VPS50: variants seen among roughly 807,000 people sequenced by gnomAD.
VPS50 encodes the protein syndetin.
In VPS50, 70 loss-of-function variants were observed where a neutral mutation model predicts 139.7. The ratio of observed to expected loss-of-function variants is 0.50; its 90% CI spans 0.41 to 0.61. VPS50 has a LOEUF of 0.61. Ranked by LOEUF, VPS50 falls within the 20% of genes least tolerant of loss-of-function variation. The probability of loss-of-function intolerance (pLI) is 0.00; values close to 1 mark genes in which losing one functional copy is unlikely to be tolerated. For missense variants in VPS50, 921 were observed against 1,133.7 expected, an observed-to-expected ratio of 0.81 and a Z score of 2.69; for synonymous variants, 365 against 376.7, an observed-to-expected ratio of 0.97 and a Z score of 0.36.
At chr7:93,350,108 A>T in intron 25 of VPS50, 75 bp downstream of exon 25, 1 of 977,040 alleles carries the variant, frequency 1.0e-6, no homozygotes, top group Non-Finnish European at 1.5e-6. Context: ...AGTGGCTCTA[A>T]AATAGTAAGA....
intron 9 of VPS50, among the ~76,000 whole-genome samples, chr7:93,268,625 G>T (rs867842302): frequency 1.3e-5 from 2 of 152,070 alleles, no homozygotes; most frequent in Non-Finnish European, 2.9e-5. Context: ...ATGGCTTCCA[G>T]CTTCATCCAT....
At chr7:93,259,963 T>A (rs6966383) in intron 9 of VPS50, among the ~76,000 whole-genome samples, 2 of 152,214 alleles carry the variant, frequency 1.3e-5, no homozygotes, top group African/African-American at 4.8e-5. Context: ...GAATTCTTCC[T>A]TAACTTTGCC....
intron 1 of VPS50, among the ~76,000 whole-genome samples, chr7:93,239,607 G>T (rs1298095084): frequency 6.6e-6 from 1 of 152,044 alleles, no homozygotes; most frequent in African/African-American, 2.4e-5. Context: ...AATCATAGAT[G>T]GGTTGGACTT....
In VPS50 at chr7:93,360,832, A is replaced by G. The variant is rs748406832; in HGVS notation, c.*2396A>G. 2.0e-5 allele frequency: 3 copies of G among 152,058 alleles called. No individual in the cohort carries two copies. Among genetic ancestry groups the G allele is most frequent in the Non-Finnish European group, 4.4e-5 (3 of 67,988 alleles). The allele number at this position is 152,058 out of a possible 1,614,324, so 9.4% of individuals were successfully genotyped here. A position where few individuals can be genotyped will look rare whatever the true frequency, so the allele number is the denominator to read the frequency against. On this transcript the variant is annotated 3_prime_UTR_variant, in exon 28 of 28. Coordinates refer to ENST00000305866, the MANE Select transcript of VPS50 (RefSeq NM_017667.4). ...TGCTAGGGGGGCACATAGCAATTCA[A>G]ATGAACTAGTTTGCTTTGGTTTATA...
intron 12 of VPS50, among the ~76,000 whole-genome samples, chr7:93,281,123 A>G (rs1246234171): frequency 6.6e-6 from 1 of 152,158 alleles, no homozygotes; most frequent in Non-Finnish European, 1.5e-5. Flanking sequence ...AAGAAAACCA[A>G]CACTGAGCAC....
At chr7:93,279,744 A>G (rs1188828606) in intron 12 of VPS50, among the ~76,000 whole-genome samples, 1 of 152,218 alleles carries the variant, frequency 6.6e-6, no homozygotes, top group Non-Finnish European at 1.5e-5. Flanking sequence ...TCTGTACAGT[A>G]GCAATGTTTT....
chr7:93,308,868 C>G lies in VPS50; in HGVS notation c.1674C>G (p.Asp558Glu). Residue 558 changes from aspartate to glutamate, a missense_variant, in exon 19 of 28, where the codon GAC becomes GAG. Around this residue, in one of 3 missense-constraint regions of VPS50, gnomAD observed 744 missense variants for 930.6 expected, o/e 0.80. Transcript: ENST00000305866. ...AAAAGAGTGCCTATCAAGAGTATGA[C>G]AGTGACAGTGATGTTCCTGAGGAAC... ...EQEKSAYQEYDSDSDVPEELK... is the reference protein window; with the variant it reads ...EQEKSAYQEYESDSDVPEELK... 6.2e-7 allele frequency: 1 copy of G among 1,607,798 alleles called. No homozygotes were observed. Among genetic ancestry groups the G allele is most frequent in the Non-Finnish European group, 8.5e-7 (1 of 1,174,988 alleles).
intron 23 of VPS50, among the ~76,000 whole-genome samples, chr7:93,342,580 C>T (rs970028356): frequency 1.3e-5 from 2 of 152,208 alleles, no homozygotes; most frequent in East Asian, 3.8e-4. Flanking sequence ...ATGTCCCTGT[C>T]TGACAGCTTT....
intron 23 of VPS50, 142 bp downstream of exon 23, chr7:93,341,717 AAC>A: frequency 1.9e-6 from 1 of 521,900 alleles, no homozygotes; most frequent in Admixed American, 3.8e-5. Context: ...AGTATATTCT[AAC>A]ACAGATTACC....
intron 17 of VPS50, among the ~76,000 whole-genome samples, chr7:93,304,128 A>G (rs1215998687): frequency 6.6e-6 from 1 of 151,772 alleles, no homozygotes; most frequent in East Asian, 1.9e-4. Flanking sequence ...AATTGGTTTG[A>G]TTTTTCCCTT....
chr7:93,260,726 C>T (rs1288818479), intron 9 of VPS50, among the ~76,000 whole-genome samples: 7 of 151,662 alleles, frequency 4.6e-5, no homozygotes, highest in Admixed American at 4.6e-4. Flanking sequence ...GATGGAGTCT[C>T]ACTCTGTCGC....
intron 20 of VPS50, among the ~76,000 whole-genome samples, chr7:93,322,245 G>A (rs983043981): frequency 5.9e-5 from 9 of 152,262 alleles, no homozygotes; most frequent in Non-Finnish European, 1.3e-4. Flanking sequence ...CATTTCCTTT[G>A]GAGTACATTT....
At chr7:93,241,482 G>T (rs1794989124) in intron 2 of VPS50, among the ~76,000 whole-genome samples, 1 of 152,092 alleles carries the variant, frequency 6.6e-6, no homozygotes, top group South Asian at 2.1e-4. Flanking sequence ...ACAGTTAATA[G>T]TAAAAAATGT....
At chr7:93,305,077 G>T (rs376970254) in intron 17 of VPS50, among the ~76,000 whole-genome samples, 1 of 151,854 alleles carries the variant, frequency 6.6e-6, no homozygotes, top group Non-Finnish European at 1.5e-5. Flanking sequence ...AAAAATGTTT[G>T]TTAAATTTTG....
chr7:93,350,625 A>G (rs370617693), intron 25 of VPS50, among the ~76,000 whole-genome samples: 1 of 152,332 alleles, frequency 6.6e-6, no homozygotes, highest in East Asian at 1.9e-4. Context: ...TTTACATGCC[A>G]GGGCAGAGAT....
chr7:93,253,766 C>T, intron 3 of VPS50, 94 bp from the exon 4 acceptor site: 1 of 676,176 alleles, frequency 1.5e-6, no homozygotes, highest in South Asian at 1.9e-5. Context: ...TTTGTATGCA[C>T]AGTTTGTAGT....
At chr7:93,328,111 T>C (rs997503188) in intron 21 of VPS50, among the ~76,000 whole-genome samples, 7 of 152,194 alleles carry the variant, frequency 4.6e-5, no homozygotes, top group African/African-American at 1.4e-4. Context: ...CTATTTTATA[T>C]CTGATCCATT....
At chr7:93,325,378 A>T (rs1404939816) in intron 21 of VPS50, among the ~76,000 whole-genome samples, 1 of 152,220 alleles carries the variant, frequency 6.6e-6, no homozygotes, top group African/African-American at 2.4e-5. Context: ...ACCATTCAGG[A>T]CATAGGCATG....
chr7:93,358,540 T>C lies in VPS50; in HGVS notation c.*104T>C, dbSNP rs1003033528. The C allele has an allele frequency of 9.7e-6, 9 of 924,082 alleles. No individual in the cohort carries two copies. The African/African-American group carries it at 1.5e-4, about 15-fold the overall frequency. 57.2% of individuals were successfully genotyped at this position (924,082 alleles called of 1,614,324 possible). ...TCTGACAACTATCTGCTAAGAAAAC[T>C]TTGTGCATGTTTTTTTGACTGGAAA... On this transcript the variant is annotated 3_prime_UTR_variant, in exon 28 of 28. Transcript: ENST00000305866.
Sources: gnomAD v4.1 joint callset for allele counts (sites outside exome capture counted in the v4.1 genomes callset) on GRCh38, gnomAD v4.1.1 for gene constraint, gnomAD v4.1.1 regional missense constraint, MANE v1.5 for transcripts, NCBI Gene and HGNC (gene_info 2026-07-23, HGNC 2026-07-21) for gene names.